The following PCNX2 variants were observed in gnomAD, a reference collection of about 807,000 sequenced individuals.
PCNX2 encodes pecanex-like protein 2.
Under a neutral mutation model 223.8 loss-of-function variants are expected in PCNX2, and 168 were observed. The observed-to-expected ratio is 0.75, with a 90% CI of 0.66 to 0.85. PCNX2 has a LOEUF of 0.85. Ranked by LOEUF, PCNX2 falls within the 40% of genes least tolerant of loss-of-function variation. The pLI is 0.00. For synonymous variants in PCNX2, 1,006 were observed against 1,052.6 expected (o/e 0.96, Z 0.86); for missense variants, 2,507 against 2,675.5 (o/e 0.94, Z 1.39).
chr1:233,054,466 G>C lies in PCNX2; in HGVS notation c.4153C>G (p.Leu1385Val). 1.2e-6 allele frequency: 2 copies of C among 1,613,104 alleles called. No individual in the cohort carries two copies. The highest frequency in any genetic ancestry group is 1.7e-6 in the Non-Finnish European group (2 of 1,179,278). Reference protein sequence around the residue: ...ERDPGNDDNNLNSIFYEHLTR... With the variant: ...ERDPGNDDNNVNSIFYEHLTR... ...AAGTGTTCATAAAAAATGGAATTGA[G>C]ATTGTTGTCATCATTCCCTAAAGGC... Residue 1385 changes from leucine to valine, a missense_variant, in exon 25 of 34, where the codon CTC becomes GTC. Leu to Val is a conservative substitution (Grantham distance 32). Coordinates refer to ENST00000258229, the MANE Select transcript of PCNX2 (RefSeq NM_014801.4).
At chr1:233,103,904 T>C (rs1179444332) in intron 21 of PCNX2, among the ~76,000 whole-genome samples, 1 of 152,154 alleles carries the variant, frequency 6.6e-6, no homozygotes, top group South Asian at 2.1e-4. Flanking sequence ...CCACCAATAA[T>C]GCAAGAGGGT....
At chr1:233,036,948 G>C (rs1232549687) in intron 25 of PCNX2, among the ~76,000 whole-genome samples, 3 of 152,130 alleles carry the variant, frequency 2.0e-5, no homozygotes, top group Non-Finnish European at 2.9e-5. Context: ...CCTTCTGGAG[G>C]TTTCAGCTTC....
At chr1:233,224,795 T>C (rs1483929780) in intron 10 of PCNX2, among the ~76,000 whole-genome samples, 26 of 152,146 alleles carry the variant, frequency 1.7e-4, no homozygotes, top group Admixed American at 1.7e-3. Flanking sequence ...GGTAGGCTTA[T>C]ATGGCTCTGA....
Position 233,256,675 on chromosome 1 carries a change from A to G in PCNX2, c.1834+1353T>C, listed in dbSNP as rs1433568008. ...TGGACTGCAGATATGGAATATTTCT[A>G]TCACTGCAGAAAATTTTATTGGACA... On this transcript the variant is annotated intron_variant, in intron 5 of 33. Coordinates refer to ENST00000258229, the MANE Select transcript of PCNX2 (RefSeq NM_014801.4). Among the ~76,000 whole-genome samples the G allele has an allele frequency of 2.6e-5, 4 of 152,220 alleles. No homozygotes were observed. The East Asian group carries it at 5.8e-4, about 22-fold the overall frequency.
At chr1:233,245,327 T>A (rs565158967) in intron 8 of PCNX2, among the ~76,000 whole-genome samples, 7 of 152,370 alleles carry the variant, frequency 4.6e-5, no homozygotes, top group African/African-American at 1.7e-4. Flanking sequence ...AAGAGATGAA[T>A]TTCAGAGAGG....
At position 233,262,153 on chromosome 1, in the gene PCNX2, C is replaced by A; in HGVS notation, c.372G>T (p.Gln124His). 1 of 1,613,704 alleles carries A rather than the reference C, an allele frequency of 6.2e-7. No individual in the cohort carries two copies. Among genetic ancestry groups the A allele is most frequent in the Non-Finnish European group, 8.5e-7 (1 of 1,179,732 alleles). ...TNHRNPSNNR[Q>H]IHNGKKEEAS... ...CCTCTTCCTTTTTGCCATTGTGAAT[C>A]TGCCTATTATTGCTAACCCAACATG... Residue 124 changes from glutamine to histidine, a missense_variant, in exon 3 of 34, where the codon CAG becomes CAT. This residue lies in a region of PCNX2 where 1,031 missense variants were observed against 1,021.7 expected (regional missense o/e 1.01). Transcript: ENST00000258229.
the PCNX2 span, among the ~76,000 whole-genome samples, chr1:233,325,439 A>C: frequency 9.2e-5 from 14 of 151,426 alleles, no homozygotes; most frequent in African/African-American, 3.4e-4. Flanking sequence ...GGGGCGGATC[A>C]CGAGGTCAGG....
chr1:232,994,250 G>A (rs1405201857), intron 32 of PCNX2, among the ~76,000 whole-genome samples: 1 of 152,236 alleles, frequency 6.6e-6, no homozygotes, highest in African/African-American at 2.4e-5. Flanking sequence ...AGCTGCCCAA[G>A]GCATTGGAAG....
intron 26 of PCNX2, among the ~76,000 whole-genome samples, chr1:233,021,751 C>T (rs889623168): frequency 1.3e-5 from 2 of 152,194 alleles, no homozygotes; most frequent in Non-Finnish European, 2.9e-5. Flanking sequence ...GGCATGGTTT[C>T]CTCACAAGCC....
chr1:233,014,704 C>T lies in PCNX2; in HGVS notation c.4913G>A (p.Arg1638Lys), dbSNP rs1312863285. 1 of 1,613,968 alleles carries T rather than the reference C, an allele frequency of 6.2e-7. No individual in the cohort carries two copies. Among genetic ancestry groups the T allele is most frequent in the Non-Finnish European group, 8.5e-7 (1 of 1,179,890 alleles). The change falls in exon 28 of 34, where the codon AGG becomes AAG. Residue 1638 changes from arginine (R) to lysine (K), a missense_variant. Transcript: ENST00000258229. The part of the protein sequence containing the change: ...TLSFALCTLG[R>K]RALGTAAHNM... ...GTGAGCGGCTGTTCCCAGAGCTCTCCTCCCCAGGGTGCACAGGGCGAAGGA... is the reference window on the plus strand; with the variant it reads ...GTGAGCGGCTGTTCCCAGAGCTCTCTTCCCCAGGGTGCACAGGGCGAAGGA...
the PCNX2 span, among the ~76,000 whole-genome samples, chr1:233,325,195 T>C: frequency 1.1e-4 from 16 of 152,186 alleles, no homozygotes; most frequent in African/African-American, 3.9e-4. Flanking sequence ...TTCACCATTC[T>C]AGATGCCATT....
intron 12 of PCNX2, among the ~76,000 whole-genome samples, chr1:233,210,725 G>A (rs181381810): frequency 3.9e-5 from 6 of 152,198 alleles, no homozygotes; most frequent in Admixed American, 6.5e-5. Flanking sequence ...CAGTAGCTCC[G>A]CCAGCTGAAG....
intron 25 of PCNX2, among the ~76,000 whole-genome samples, chr1:233,047,087 G>A (rs1369785526): frequency 2.0e-5 from 3 of 152,194 alleles, no homozygotes; most frequent in Middle Eastern, 6.3e-3. Flanking sequence ...AAGGCTCCAA[G>A]TTTGGCAGCC....
intron 32 of PCNX2, among the ~76,000 whole-genome samples, chr1:232,986,965 T>C (rs1414263803): frequency 6.6e-6 from 1 of 152,232 alleles, no homozygotes; most frequent in African/African-American, 2.4e-5. Flanking sequence ...CTCAGGACCT[T>C]GGTTCCCATG....
At chr1:233,051,888 G>T (rs1199373577) in intron 25 of PCNX2, among the ~76,000 whole-genome samples, 1 of 152,004 alleles carries the variant, frequency 6.6e-6, no homozygotes, top group Non-Finnish European at 1.5e-5. Context: ...TAAAATAAAA[G>T]AACTTTTAAG....
chr1:233,173,967 T>A (rs1679312905), intron 17 of PCNX2, among the ~76,000 whole-genome samples: 1 of 150,790 alleles, frequency 6.6e-6, no homozygotes, highest in Non-Finnish European at 1.5e-5. Context: ...TATATACACA[T>A]ATAAATCATC....
intron 21 of PCNX2, among the ~76,000 whole-genome samples, chr1:233,124,014 A>T (rs1675956460): frequency 6.6e-6 from 1 of 152,160 alleles, no homozygotes; most frequent in South Asian, 2.1e-4. Flanking sequence ...TTCTTGCTTA[A>T]TTTTTTTCAA....
At chr1:233,219,278 C>CTGGAGAGGACTGAGGAACATCTG (rs545657425) in intron 10 of PCNX2, among the ~76,000 whole-genome samples, 2,235 of 152,034 alleles carry the variant, frequency 0.015, 57 homozygotes, top group African/African-American at 0.05. Context: ...GGGCAAATTG[C>CTGGAGAGGACTGAGGAACATCTG]TGGAGAGGAC....
intron 17 of PCNX2, among the ~76,000 whole-genome samples, chr1:233,174,928 G>C (rs575753772): frequency 6.6e-6 from 1 of 152,166 alleles, no homozygotes. Context: ...GTTTCCTGAA[G>C]TGCAATCTGT....
Sources: allele counts gnomAD v4.1 joint callset (sites outside exome capture counted in the v4.1 genomes callset), GRCh38; gene constraint gnomAD v4.1.1; regional missense constraint gnomAD v4.1.1; transcripts MANE v1.5; gene names NCBI Gene and HGNC (gene_info 2026-07-23, HGNC 2026-07-21).